Variants in ZNF195 observed in about 807,000 individuals in gnomAD.
ZNF195 encodes the protein zinc finger protein 195.
Under a neutral mutation model 19.5 loss-of-function variants are expected in ZNF195, and 11 were observed. The observed-to-expected ratio is 0.57, with a 90% CI of 0.36 to 0.94. ZNF195 has a LOEUF of 0.94. ZNF195 is among the 40% of genes least tolerant of loss of function. The pLI is 0.01. For missense variants in ZNF195, 582 were observed against 709.0 expected (o/e 0.82, Z 2.03); for synonymous variants, 214 against 248.1 (o/e 0.86, Z 1.29).
At chr11:3,372,200 T>G (rs1849244855) in intron 1 of ZNF195, among the ~76,000 whole-genome samples, 1 of 152,174 alleles carries the variant, frequency 6.6e-6, no homozygotes, top group Non-Finnish European at 1.5e-5. Context: ...TTATCCCAGT[T>G]TTTCTAAACC....
At chr11:3,378,958 G>T (rs1849613961) in intron 1 of ZNF195, 80 bp downstream of exon 1, 1 of 1,318,430 alleles carries the variant, frequency 7.6e-7, no homozygotes, top group East Asian at 3.1e-5. Context: ...CACCCGGGCA[G>T]CCCGGTTCCT....
At chr11:3,362,524 A>G in intron 3 of ZNF195, 1 of 521,086 alleles carries the variant, frequency 1.9e-6, no homozygotes, top group Non-Finnish European at 3.5e-6. Flanking sequence ...ACTAAAGTTA[A>G]GTATTTACCA....
intron 1 of ZNF195, among the ~76,000 whole-genome samples, chr11:3,378,371 T>C (rs78746472): frequency 2.4e-5 from 1 of 40,896 alleles, no homozygotes; most frequent in Non-Finnish European, 6.5e-5. Flanking sequence ...CCCTGGGTTC[T>C]TAGGTTAAAA....
chr11:3,371,381 A>C (rs74049155), intron 2 of ZNF195, among the ~76,000 whole-genome samples, 196 bp downstream of exon 2: 3,680 of 152,014 alleles, frequency 0.024, 156 homozygotes, highest in African/African-American at 0.083. Context: ...CTGAAAAAAA[A>C]GGAAGGTTTA....
At position 3,368,819 on chromosome 11, in the gene ZNF195, T is replaced by C. The variant is rs764552048; in HGVS notation, c.226+2156A>G. 50 of 455,434 alleles carry C rather than the reference T, an allele frequency of 1.1e-4. 2 individuals carry two copies. The highest frequency in any genetic ancestry group is 6.8e-4 in the South Asian group (44 of 64,456). 28.2% of individuals were successfully genotyped at this position (455,434 alleles called of 1,614,324 possible). On this transcript the variant is annotated intron_variant, in intron 3 of 5. Transcript: ENST00000399602. ...ATCTTTCACAAGTTCACGAAGAAGA[T>C]ACAATACAGACAGTATAGTCTCTTC...
rs1270491497 is a variant in ZNF195, at chr11:3,359,281, T to G, written c.1727A>C (p.Lys576Thr). The G allele has an allele frequency of 1.2e-6, 2 of 1,613,950 alleles. No homozygotes were observed. The highest frequency in any genetic ancestry group is 1.7e-6 in the Non-Finnish European group (2 of 1,179,900). ...TCCACATTCGTCACATTTGTAGGGT[T>G]TCTCTCCAGTATGGGTTTTCTTATG... ...TKHKKTHTGE[K>T]PYKCDECGKN... Residue 576 changes from lysine to threonine, a missense_variant, in exon 6 of 6, where the codon AAA becomes ACA. Coordinates refer to ENST00000399602, the MANE Select transcript of ZNF195 (RefSeq NM_001130520.3). The surrounding 1 kb of genome is among the most constrained non-coding windows in gnomAD (Gnocchi z 5.5).
rs1554930746 is a variant in ZNF195, at chr11:3,372,617, CAAATATCTCCCAGGTTCTGACAAAT to C, written c.4-939_4-915del. ...CTGACAAATATTTCCCAGGTCCTGACAAATATCTCCCAGGTTCTGACAAATAAATATCTCCCAGGTTCTGACAAAT... is the reference window on the plus strand; with the variant it reads ...CTGACAAATATTTCCCAGGTCCTGACAAATATCTCCCAGGTTCTGACAAAT... On this transcript the variant is annotated intron_variant, in intron 1 of 5. Coordinates refer to ENST00000399602, the MANE Select transcript of ZNF195 (RefSeq NM_001130520.3). Among the ~76,000 whole-genome samples, 4 of 127,908 alleles carry C rather than the reference CAAATATCTCCCAGGTTCTGACAAAT, an allele frequency of 3.1e-5. No individual in the cohort carries two copies. The East Asian group carries it at 6.8e-4, about 22-fold the overall frequency. 83.9% of individuals were successfully genotyped at this position (127,908 alleles called of 152,430 possible).
rs369354050 is a variant in ZNF195 at position 3,359,684 on chromosome 11, C to T, written c.1324G>A (p.Glu442Lys). ...GACTGTGTATAGGCTTTCCCACATT[C>T]GTCACATTTGTATGGTTTCTCACCA... ...HTGEKPYKCD[E>K]CGKAYTQSSH... Residue 442 changes from glutamate (E) to lysine (K), a missense_variant, in exon 6 of 6, where the codon GAA (glutamate) becomes AAA (lysine). This residue lies in a region of ZNF195 where 407 missense variants were observed against 530.5 expected (regional missense o/e 0.77). Coordinates refer to ENST00000399602, the MANE Select transcript of ZNF195 (RefSeq NM_001130520.3). This position sits in a 1 kb window ranked among gnomAD's most constrained non-coding sequence, Gnocchi z 5.5. 9.3e-6 allele frequency: 15 copies of T among 1,614,066 alleles called. No homozygotes were observed. Among genetic ancestry groups the T allele is most frequent in the African/African-American group, 8.0e-5 (6 of 74,926 alleles).
chr11:3,371,430 TTACATCAACTATTCCCCATG>T, intron 2 of ZNF195, 127 bp downstream of exon 2: 1 of 1,047,556 alleles, frequency 9.5e-7, no homozygotes, highest in Non-Finnish European at 1.3e-6. Context: ...TTTTTTTTTT[TTACATCAACTATTCCCCATG>T]TTTTTCTTAA....
chr11:3,373,555 C>G (rs762584961), intron 1 of ZNF195: 1 of 1,535,334 alleles, frequency 6.5e-7, no homozygotes, highest in Non-Finnish European at 8.8e-7. Flanking sequence ...TGGACACAAC[C>G]CCTGACCTGA....
At chr11:3,366,451 T>A (rs915090738) in intron 3 of ZNF195, among the ~76,000 whole-genome samples, 6 of 151,966 alleles carry the variant, frequency 3.9e-5, no homozygotes, top group Non-Finnish European at 8.8e-5. Context: ...GATAGGAGTG[T>A]ATCCTTATAT....
intron 3 of ZNF195, chr11:3,368,776 T>C (rs7943767): frequency 0.75 from 340,748 of 452,572 alleles, 129,449 homozygotes; most frequent in Middle Eastern, 0.82. Flanking sequence ...ATTAAACTCA[T>C]GCATATCCAC....
chr11:3,359,108 TA>T lies in ZNF195; in HGVS notation c.*9del. On this transcript the variant is annotated 3_prime_UTR_variant, in exon 6 of 6. Transcript: ENST00000399602. This position sits in a 1 kb window ranked among gnomAD's most constrained non-coding sequence, Gnocchi z 5.5. Reference sequence around the variant, plus strand: ...GGCTTTGCCTATTTTTATATTTGTTTATTTTTTTCTCAAGTATGAATGCTTT... The same window carrying T: ...GGCTTTGCCTATTTTTATATTTGTTTTTTTTTTCTCAAGTATGAATGCTTT... 6.5e-7 allele frequency: 1 copy of T among 1,530,872 alleles called. No homozygotes were observed. The highest frequency in any genetic ancestry group is 8.8e-7 in the Non-Finnish European group (1 of 1,141,430). 94.8% of individuals were successfully genotyped at this position (1,530,872 alleles called of 1,614,324 possible).
rs778611082 is a variant in ZNF195 at position 3,360,545 on chromosome 11, G to A, written c.463C>T (p.Gln155Ter). The stretch of plus-strand genomic sequence containing the variant: ...ATGCCCTGCTCTGGCAGAAGGTCTT[G>A]GGTAAAATGAGAAGACATAGCTGAA... ...FSLAMSSHFT[Q>*]DLLPEQGIQD... Residue 155 changes from glutamine to a stop codon, truncating the protein, a stop_gained, in exon 6 of 6, where the codon CAA (glutamine) becomes TAA (stop). Transcript: ENST00000399602. LOFTEE classifies it low-confidence loss of function (END_TRUNC). The A allele has an allele frequency of 6.4e-7, 1 of 1,573,422 alleles. No individual in the cohort carries two copies. Among genetic ancestry groups the A allele is most frequent in the Non-Finnish European group, 8.6e-7 (1 of 1,166,978 alleles).
rs376274624 is a variant in ZNF195 at position 3,360,307 on chromosome 11, C to T, written c.701G>A (p.Arg234His). 12 of 1,605,086 alleles carry T rather than the reference C, an allele frequency of 7.5e-6. No individual in the cohort carries two copies. The highest frequency in any genetic ancestry group is 2.7e-5 in the African/African-American group (2 of 74,442). ...IFDNFSNLHR[R>H]NISNTGEKPF... ...TTTCTCTCCAGTATTACTTATATTA[C>T]GTCTATGTAAATTTGAAAAGTTATC... Residue 234 changes from arginine (R) to histidine (H), a missense_variant, in exon 6 of 6, where the codon CGT becomes CAT. Arg to His is a conservative substitution (Grantham distance 29, BLOSUM62 0). This residue lies in a region of ZNF195 where 407 missense variants were observed against 530.5 expected (regional missense o/e 0.77). Transcript: ENST00000399602.
chr11:3,373,342 G>A (rs1849306186), intron 1 of ZNF195, among the ~76,000 whole-genome samples: 1 of 152,142 alleles, frequency 6.6e-6, no homozygotes, highest in South Asian at 2.1e-4. Context: ...TAAAGTCATG[G>A]TAAGAATTCT....
chr11:3,358,758 A>T lies in ZNF195; in HGVS notation c.*360T>A. On this transcript the variant is annotated 3_prime_UTR_variant, in exon 6 of 6. Transcript: ENST00000399602. Reference sequence around the variant, plus strand: ...CACAGGGATTCAGTGTCATTTCTGAACGTGTCCTTGCTTATTTTTCCCATT... The same window carrying T: ...CACAGGGATTCAGTGTCATTTCTGATCGTGTCCTTGCTTATTTTTCCCATT... 1 of 184,512 alleles carries T rather than the reference A, an allele frequency of 5.4e-6. No homozygotes were observed. The highest frequency in any genetic ancestry group is 1.0e-5 in the Non-Finnish European group (1 of 96,332). The allele number at this position is 184,512 out of a possible 1,614,324, so 11.4% of individuals were successfully genotyped here. A position where few individuals can be genotyped will look rare whatever the true frequency, so the allele number is the denominator to read the frequency against.
At chr11:3,378,817 G>A (rs1447852354) in intron 1 of ZNF195, among the ~76,000 whole-genome samples, 3 of 152,238 alleles carry the variant, frequency 2.0e-5, no homozygotes, top group Non-Finnish European at 4.4e-5. Context: ...AGGGTCTGCG[G>A]GCGAAGAGCT....
chr11:3,378,578 T>C (rs1849587496), intron 1 of ZNF195, among the ~76,000 whole-genome samples: 1 of 152,232 alleles, frequency 6.6e-6, no homozygotes, highest in Non-Finnish European at 1.5e-5. Flanking sequence ...ATGCACCTGA[T>C]AAAAGCCTTT....
Sources: allele counts gnomAD v4.1 joint callset (sites outside exome capture counted in the v4.1 genomes callset), GRCh38; gene constraint gnomAD v4.1.1; regional missense constraint gnomAD v4.1.1; non-coding constraint Gnocchi (gnomAD v3.1); transcripts MANE v1.5; gene names NCBI Gene and HGNC (gene_info 2026-07-23, HGNC 2026-07-21).